ACSBG1: variants seen among roughly 807,000 people sequenced by gnomAD.
ACSBG1 encodes the protein acyl-CoA synthetase bubblegum family member 1.
In ACSBG1, 39 loss-of-function variants were observed where a neutral mutation model predicts 80.2. The observed-to-expected ratio is 0.49, with a 90% CI of 0.38 to 0.64. The LOEUF (loss-of-function observed/expected upper bound fraction) is 0.64, where lower values mean the gene tolerates loss of function less well. Among genes scored for constraint, ACSBG1 ranks in the 30% least tolerant of loss-of-function variants. The pLI is 0.00. For synonymous variants in ACSBG1, 392 were observed against 379.5 expected (o/e 1.03, Z -0.38); for missense variants, 828 against 966.4 (o/e 0.86, Z 1.90).
chr15:78,181,563 G>A (rs939092749), intron 8 of ACSBG1, among the ~76,000 whole-genome samples: 22 of 143,208 alleles, frequency 1.5e-4, no homozygotes, highest in Non-Finnish European at 2.7e-4. Flanking sequence ...GCGTGATCTC[G>A]GCTCACTGCA....
chr15:78,228,513 AG>A (rs1449975666), intron 1 of ACSBG1, among the ~76,000 whole-genome samples: 1 of 152,212 alleles, frequency 6.6e-6, no homozygotes, highest in Non-Finnish European at 1.5e-5. Flanking sequence ...TCCTGACTTC[AG>A]GTCAGTTTGA....
chr15:78,181,120 C>T, intron 8 of ACSBG1, 184 bp from the exon 9 acceptor site: 1 of 689,846 alleles, frequency 1.4e-6, no homozygotes, highest in Non-Finnish European at 2.3e-6. Flanking sequence ...GCTCACAGAA[C>T]CCTGGTGGCA....
chr15:78,182,363 G>T, intron 7 of ACSBG1, 103 bp downstream of exon 7: 1 of 1,475,162 alleles, frequency 6.8e-7, no homozygotes, highest in East Asian at 2.4e-5. Context: ...CTAGAGCAGA[G>T]GGGCCCAAGG....
intron 2 of ACSBG1, among the ~76,000 whole-genome samples, chr15:78,204,599 T>C (rs1396091687): frequency 1.3e-5 from 2 of 152,218 alleles, no homozygotes; most frequent in African/African-American, 4.8e-5. Context: ...TCATTTTGGC[T>C]GGCAGGGCCG....
At chr15:78,215,714 AAGAAAGAAAG>A (rs1313112222) in intron 1 of ACSBG1, among the ~76,000 whole-genome samples, 21 of 143,444 alleles carry the variant, frequency 1.5e-4, no homozygotes, top group African/African-American at 3.4e-4. Flanking sequence ...GAAAGAGAGA[AAGAAAGAAAG>A]AGAAAGAAAG....
intron 2 of ACSBG1, among the ~76,000 whole-genome samples, chr15:78,203,529 C>A (rs192863674): frequency 2.0e-5 from 3 of 152,358 alleles, no homozygotes; most frequent in Admixed American, 2.0e-4. Flanking sequence ...CTCCCTCTGC[C>A]GCTTCCTCCC....
chr15:78,176,180 T>C (rs1241048045), intron 11 of ACSBG1, among the ~76,000 whole-genome samples: 1 of 152,130 alleles, frequency 6.6e-6, no homozygotes, highest in Non-Finnish European at 1.5e-5. Context: ...AGTACTGGGA[T>C]TGCAGGTGTA....
chr15:78,196,380 G>A (rs546917415), intron 2 of ACSBG1, among the ~76,000 whole-genome samples: 1 of 152,322 alleles, frequency 6.6e-6, no homozygotes, highest in South Asian at 2.1e-4. Flanking sequence ...GTACACCTGG[G>A]TTCAAAAACC....
chr15:78,233,562 G>A (rs963333624), intron 1 of ACSBG1, among the ~76,000 whole-genome samples: 3 of 152,154 alleles, frequency 2.0e-5, no homozygotes, highest in Admixed American at 6.5e-5. Flanking sequence ...TCTGCCCACT[G>A]CTCTTGGCTC....
At chr15:78,231,992 G>C (rs572250253) in intron 1 of ACSBG1, among the ~76,000 whole-genome samples, 5 of 152,348 alleles carry the variant, frequency 3.3e-5, no homozygotes, top group Non-Finnish European at 7.3e-5. Flanking sequence ...GACAGATGGG[G>C]AAACTGAGGC....
At chr15:78,179,439 G>A in intron 10 of ACSBG1, 111 bp downstream of exon 10, 1 of 1,018,782 alleles carries the variant, frequency 9.8e-7, no homozygotes, top group East Asian at 2.6e-5. Context: ...AGGTCTCTGG[G>A]ACCCAACTGG....
At chr15:78,225,460 TAC>T (rs1185203919) in intron 1 of ACSBG1, among the ~76,000 whole-genome samples, 6 of 150,806 alleles carry the variant, frequency 4.0e-5, no homozygotes, top group Admixed American at 6.6e-5. Context: ...TAAAATAAAT[TAC>T]AGTTTTCATA....
intron 7 of ACSBG1, 143 bp downstream of exon 7, chr15:78,182,323 A>T (rs1739364426): frequency 1.5e-6 from 2 of 1,347,846 alleles, no homozygotes; most frequent in South Asian, 2.7e-5. Context: ...TGGGCCACAG[A>T]TTGATGGGCT....
Position 78,182,555 on chromosome 15 carries a change from CAAT to C in ACSBG1, c.802_804del (p.Ile268del), listed in dbSNP as rs2074958170. ...CAGCACTGGTTGGGCTGCTGGGTGT[CAAT>C]GATGGCGTCCAGGGCTTCCTCAGGC... On this transcript the variant is annotated inframe_deletion, in exon 7 of 14. Transcript: ENST00000258873. 6.2e-7 allele frequency: 1 copy of C among 1,614,036 alleles called. No individual in the cohort carries two copies. The highest frequency in any genetic ancestry group is 8.5e-7 in the Non-Finnish European group (1 of 1,180,022).
chr15:78,226,298 C>T (rs576640593), intron 1 of ACSBG1, among the ~76,000 whole-genome samples: 1 of 152,126 alleles, frequency 6.6e-6, no homozygotes, highest in Non-Finnish European at 1.5e-5. Context: ...ATCCAGCCCA[C>T]GTTCTAGGGT....
chr15:78,180,648 C>T, intron 9 of ACSBG1, 107 bp downstream of exon 9: 10 of 1,431,712 alleles, frequency 7.0e-6, no homozygotes, highest in South Asian at 5.4e-5. Context: ...CAGAGCTGCC[C>T]GGCCACTGGA....
intron 1 of ACSBG1, among the ~76,000 whole-genome samples, chr15:78,215,150 A>G (rs1369704694): frequency 6.6e-6 from 1 of 152,076 alleles, no homozygotes; most frequent in East Asian, 1.9e-4. Context: ...TGAATCCCAG[A>G]AAGGAATTCA....
rs1465228488 is a variant in ACSBG1, at chr15:78,225,300, T to C, written c.131+9071A>G. Among the ~76,000 whole-genome samples the C allele has an allele frequency of 6.0e-5, 9 of 150,644 alleles. 1 individual carries two copies. The South Asian group carries it at 1.9e-3, about 32-fold the overall frequency. ...CCTGTAATTTCAGCTGCTTGGGAGG[T>C]TGAGGCAGGAGAATTGCTTGAACCT... On this transcript the variant is annotated intron_variant, in intron 1 of 13. Transcript: ENST00000258873.
At chr15:78,232,077 C>A (rs1209901157) in intron 1 of ACSBG1, among the ~76,000 whole-genome samples, 1 of 152,194 alleles carries the variant, frequency 6.6e-6, no homozygotes, top group African/African-American at 2.4e-5. Context: ...GGCATGTGAC[C>A]TCCAGCCTGC....
Sources: allele counts gnomAD v4.1 joint callset (sites outside exome capture counted in the v4.1 genomes callset), GRCh38; gene constraint gnomAD v4.1.1; transcripts MANE v1.5; gene names NCBI Gene and HGNC (gene_info 2026-07-23, HGNC 2026-07-21).